Variants in ZNF385D observed in about 807,000 individuals in gnomAD.
The protein encoded by ZNF385D is zinc finger protein 385D.
In ZNF385D, 15 loss-of-function variants were observed where a neutral mutation model predicts 35.8. That is an observed-to-expected ratio of 0.42 (90% CI 0.28 to 0.64). The LOEUF is 0.64. Among genes scored for constraint, ZNF385D ranks in the 30% least tolerant of loss-of-function variants. The pLI, the probability that ZNF385D is intolerant of heterozygous loss-of-function variation, is 0.23. For synonymous variants in ZNF385D, 212 were observed against 186.8 expected, an observed-to-expected ratio of 1.13 and a Z score of -1.10; for missense variants, 474 against 494.6, an observed-to-expected ratio of 0.96 and a Z score of 0.39.
chr3:22,100,944 G>A (rs893400603), intron 3 of ZNF385D, among the ~76,000 whole-genome samples: 6 of 151,936 alleles, frequency 3.9e-5, no homozygotes, highest in African/African-American at 1.4e-4. Flanking sequence ...TAGTAAATGT[G>A]AAGTCAGGCA....
intron 2 of ZNF385D, among the ~76,000 whole-genome samples, chr3:21,630,515 C>T (rs1428372762): frequency 6.6e-6 from 1 of 152,014 alleles, no homozygotes; most frequent in East Asian, 1.9e-4. Context: ...AAACCTACCA[C>T]CTTTATTTTC....
chr3:22,100,793 C>T (rs1372019869), intron 3 of ZNF385D, among the ~76,000 whole-genome samples: 1 of 151,446 alleles, frequency 6.6e-6, no homozygotes, highest in Non-Finnish European at 1.5e-5. Flanking sequence ...TGTAACTAAC[C>T]TGCACATTGT....
intron 3 of ZNF385D, among the ~76,000 whole-genome samples, chr3:21,858,366 A>C (rs12494226): frequency 0.013 from 1,919 of 152,060 alleles, 16 homozygotes; most frequent in Middle Eastern, 0.034. Flanking sequence ...AAAGGTTCAC[A>C]TGTGCTATGG....
chr3:22,337,406 T>C (rs1575147172), intron 2 of ZNF385D, among the ~76,000 whole-genome samples: 1 of 152,104 alleles, frequency 6.6e-6, no homozygotes, highest in South Asian at 2.1e-4. Context: ...TGGTGGCGCA[T>C]GCCTATAATC....
chr3:21,946,600 G>A (rs941355475), intron 3 of ZNF385D, among the ~76,000 whole-genome samples: 1 of 152,114 alleles, frequency 6.6e-6, no homozygotes. Context: ...GGGAGGCTGA[G>A]GCAAGTGGAT....
At chr3:21,921,222 C>CAAAAAAAAA (rs11387962) in intron 3 of ZNF385D, among the ~76,000 whole-genome samples, 5 of 68,958 alleles carry the variant, frequency 7.3e-5, no homozygotes, top group East Asian at 4.2e-4. Context: ...GACTCCATCT[C>CAAAAAAAAA]AAAAAAAAAA....
chr3:22,111,833 T>C (rs1283916561), intron 3 of ZNF385D, among the ~76,000 whole-genome samples: 2 of 152,170 alleles, frequency 1.3e-5, no homozygotes, highest in Non-Finnish European at 2.9e-5. Flanking sequence ...CACTGTTCTA[T>C]TGGTTTTATA....
chr3:21,738,081 G>A lies in ZNF385D; in HGVS notation c.22+12814C>T, dbSNP rs184065475. Among the ~76,000 whole-genome samples the A allele has an allele frequency of 7.9e-5, 12 of 152,362 alleles. 1 individual carries two copies. In the East Asian group the frequency reaches 1.9e-3, roughly 24 times the overall value. ...TGAAAGGGACCTGGAGTCTTTCCCTGATCTCAGCCTCAGGCCCCACCTGCC... is the reference window on the plus strand; with the variant it reads ...TGAAAGGGACCTGGAGTCTTTCCCTAATCTCAGCCTCAGGCCCCACCTGCC... On this transcript the variant is annotated intron_variant, in intron 1 of 7. Transcript: ENST00000281523.
chr3:21,960,096 A>G (rs1444387582), intron 3 of ZNF385D, among the ~76,000 whole-genome samples: 1 of 151,858 alleles, frequency 6.6e-6, no homozygotes, highest in Non-Finnish European at 1.5e-5. Flanking sequence ...TACAATCAAA[A>G]AGTGATGAAA....
At chr3:22,090,598 A>G (rs562010038) in intron 3 of ZNF385D, among the ~76,000 whole-genome samples, 2 of 152,280 alleles carry the variant, frequency 1.3e-5, no homozygotes, top group African/African-American at 4.8e-5. Context: ...TAGTCACAGG[A>G]CCGATATTGC....
intron 1 of ZNF385D, among the ~76,000 whole-genome samples, chr3:21,693,785 A>C (rs1197615038): frequency 6.6e-6 from 1 of 152,094 alleles, no homozygotes; most frequent in East Asian, 1.9e-4. Context: ...AAAAATAAAA[A>C]ATGATGTATC....
intron 2 of ZNF385D, among the ~76,000 whole-genome samples, chr3:22,215,559 AGTCAGACTGGTT>A (rs1261650999): frequency 6.6e-6 from 1 of 151,956 alleles, no homozygotes; most frequent in Non-Finnish European, 1.5e-5. Context: ...ATAAATTTTT[AGTCAGACTGGTT>A]GTCTGCTCTC....
At chr3:22,265,233 T>A (rs149465463) in intron 2 of ZNF385D, among the ~76,000 whole-genome samples, 46 of 152,078 alleles carry the variant, frequency 3.0e-4, no homozygotes, top group Admixed American at 3.0e-3. Flanking sequence ...CAGGGCGACC[T>A]ACTCAGATAA....
At chr3:21,940,804 G>GAA (rs1701480247) in intron 3 of ZNF385D, among the ~76,000 whole-genome samples, 1 of 152,138 alleles carries the variant, frequency 6.6e-6, no homozygotes, top group South Asian at 2.1e-4. Context: ...GAAAATATAT[G>GAA]TAAAAATATG....
intron 3 of ZNF385D, among the ~76,000 whole-genome samples, chr3:22,040,056 G>T (rs148956605): frequency 1.2e-4 from 18 of 152,232 alleles, no homozygotes; most frequent in Non-Finnish European, 2.5e-4. Context: ...CGTACTAACG[G>T]CCAAGTCTCA....
At chr3:21,990,656 A>C (rs1056795287) in intron 3 of ZNF385D, among the ~76,000 whole-genome samples, 1 of 152,212 alleles carries the variant, frequency 6.6e-6, no homozygotes, top group South Asian at 2.1e-4. Context: ...TAGAATATAT[A>C]AAGTTATCAA....
rs35586361 is a variant in ZNF385D at position 21,694,042 on chromosome 3, C to CTTTTTT, written c.23-29020_23-29015dup. 9.0e-4 allele frequency among the ~76,000 whole-genome samples: 20 copies of CTTTTTT among 22,170 alleles called. 5 individuals are homozygous for CTTTTTT. Among genetic ancestry groups the CTTTTTT allele is most frequent in the South Asian group, 7.6e-3 (5 of 660 alleles). 14.5% of individuals were successfully genotyped at this position (22,170 alleles called of 152,430 possible). Reference sequence around the variant, plus strand: ...TACAGGCGCGTGCCACTACGCCTGGCTTTTTTTTTTTTTTTTTTTGAGACA... The same window carrying CTTTTTT: ...TACAGGCGCGTGCCACTACGCCTGGCTTTTTTTTTTTTTTTTTTTTTTTTTGAGACA... On this transcript the variant is annotated intron_variant, in intron 1 of 7. Transcript: ENST00000281523.
intron 3 of ZNF385D, among the ~76,000 whole-genome samples, chr3:21,963,650 A>G (rs1197139062): frequency 6.6e-6 from 1 of 152,210 alleles, no homozygotes; most frequent in Non-Finnish European, 1.5e-5. Context: ...CCTTTAAGTT[A>G]TAATACAATG....
At chr3:21,990,886 G>C (rs1296016771) in intron 3 of ZNF385D, among the ~76,000 whole-genome samples, 2 of 152,236 alleles carry the variant, frequency 1.3e-5, no homozygotes, top group East Asian at 1.9e-4. Flanking sequence ...AAATCTTCTG[G>C]CAATAACTCA....
Sources: allele counts gnomAD v4.1 joint callset (sites outside exome capture counted in the v4.1 genomes callset), GRCh38; gene constraint gnomAD v4.1.1; transcripts MANE v1.5; gene names NCBI Gene and HGNC (gene_info 2026-07-23, HGNC 2026-07-21).